ZNF624: variants seen among roughly 807,000 people sequenced by gnomAD.
ZNF624 encodes the protein zinc finger protein 624.
A neutral mutation model predicts 74.7 loss-of-function variants in ZNF624; 43 were observed. That is an observed-to-expected ratio of 0.58 (90% CI 0.45 to 0.74). ZNF624 has a LOEUF of 0.74. Ranked by LOEUF, ZNF624 falls within the 30% of genes least tolerant of loss-of-function variation. The probability of loss-of-function intolerance (pLI) is 0.00; values close to 1 mark genes in which losing one functional copy is unlikely to be tolerated. For synonymous variants in ZNF624, 331 were observed against 341.3 expected (o/e 0.97, Z 0.33); for missense variants, 820 against 1,030.0 (o/e 0.80, Z 2.79).
intron 1 of ZNF624, among the ~76,000 whole-genome samples, chr17:16,650,592 C>G (rs1299680742): frequency 6.6e-6 from 1 of 152,088 alleles, no homozygotes; most frequent in Admixed American, 6.6e-5. Context: ...CTACCTTTGG[C>G]TAATGATATG....
intron 1 of ZNF624, among the ~76,000 whole-genome samples, chr17:16,650,536 A>C (rs1909699921): frequency 6.6e-6 from 1 of 152,164 alleles, no homozygotes. Flanking sequence ...CTATGGAGCA[A>C]CAGGGTGGCA....
Position 16,623,353 on chromosome 17 carries a change from G to A in ZNF624, c.1533C>T (p.Arg511=), listed in dbSNP as rs769491216. 3.7e-5 allele frequency: 59 copies of A among 1,613,038 alleles called. No individual in the cohort carries two copies. Among genetic ancestry groups the A allele is most frequent in the Middle Eastern group, 3.3e-4 (2 of 6,078 alleles). The change falls in exon 6 of 6, where the codon CGC becomes CGT. Residue 511 remains arginine (R), a synonymous_variant. Coordinates refer to ENST00000311331, the MANE Select transcript of ZNF624 (RefSeq NM_020787.4). This position sits in a 1 kb window ranked among gnomAD's most constrained non-coding sequence, Gnocchi z 5.3. The part of the protein sequence containing the change: ...ECNECGKAFN[R]IANFTEHQRI... ...GCTGATGTTCTGTGAAATTTGCGAT[G>A]CGGTTGAATGCTTTCCCACATTCAT... is the stretch of plus-strand genomic sequence containing the variant.
rs1272440783 is a variant in ZNF624 at position 16,623,339 on chromosome 17, G to A, written c.1547C>T (p.Thr516Ile). 1 of 1,613,256 alleles carries A rather than the reference G, an allele frequency of 6.2e-7. No homozygotes were observed. The change falls in exon 6 of 6, where the codon ACA becomes ATA. Residue 516 changes from threonine (T) to isoleucine (I), a missense_variant. Thr to Ile is a moderately conservative substitution (Grantham distance 89). Coordinates refer to ENST00000311331, the MANE Select transcript of ZNF624 (RefSeq NM_020787.4). The surrounding 1 kb of genome is among the most constrained non-coding windows in gnomAD (Gnocchi z 5.3). ...TCCTGTGTGAATTCGCTGATGTTCT[G>A]TGAAATTTGCGATGCGGTTGAATGC... ...GKAFNRIANF[T>I]EHQRIHTGEK...
At chr17:16,639,764 A>G (rs187997896) in intron 3 of ZNF624, among the ~76,000 whole-genome samples, 40 of 152,336 alleles carry the variant, frequency 2.6e-4, no homozygotes, top group African/African-American at 9.4e-4. Context: ...TTGGTCCAGG[A>G]AAGTTTCTAA....
chr17:16,652,561 CCTT>C (rs147274960), intron 1 of ZNF624, among the ~76,000 whole-genome samples: 11,165 of 152,064 alleles, frequency 0.073, 574 homozygotes, highest in Middle Eastern at 0.19. Flanking sequence ...ACAATAAATC[CCTT>C]GTTTTATTTT....
intron 1 of ZNF624, among the ~76,000 whole-genome samples, chr17:16,651,924 C>T (rs1909734610): frequency 6.6e-6 from 1 of 151,768 alleles, no homozygotes; most frequent in African/African-American, 2.4e-5. Context: ...ATAATGTTAA[C>T]ATGTTAATTA....
At position 16,624,427 on chromosome 17, in the gene ZNF624, C is replaced by A. The variant is rs140888686; in HGVS notation, c.459G>T (p.Glu153Asp). Residue 153 changes from glutamate (E) to aspartate (D), a missense_variant, in exon 6 of 6, where the codon GAG (glutamate) becomes GAT (aspartate). Coordinates refer to ENST00000311331, the MANE Select transcript of ZNF624 (RefSeq NM_020787.4). ...CCCACAGACCATTCTCTGTAAGTTT[C>A]TCTAGTATGGCCTCCTGTGATAAAT... is the stretch of plus-strand genomic sequence containing the variant. ...SEDLSQEAIL[E>D]KLTENGLWDS... 32 of 1,612,508 alleles carry A rather than the reference C, an allele frequency of 2.0e-5. No homozygotes were observed. Among genetic ancestry groups the A allele is most frequent in the Non-Finnish European group, 2.6e-5 (31 of 1,179,588 alleles).
At chr17:16,649,913 T>G (rs1343391804) in intron 1 of ZNF624, among the ~76,000 whole-genome samples, 167 bp from the exon 2 acceptor site, 1 of 152,204 alleles carries the variant, frequency 6.6e-6, no homozygotes, top group African/African-American at 2.4e-5. Context: ...AGCTCAAGAT[T>G]TTAGCACTGT....
intron 3 of ZNF624, among the ~76,000 whole-genome samples, chr17:16,643,960 A>G (rs987773685): frequency 6.6e-6 from 1 of 152,200 alleles, no homozygotes; most frequent in Non-Finnish European, 1.5e-5. Context: ...TGGATCCCTC[A>G]TGAATGCCTT....
intron 1 of ZNF624, among the ~76,000 whole-genome samples, chr17:16,650,633 A>G (rs573051617): frequency 6.6e-6 from 1 of 152,272 alleles, no homozygotes; most frequent in East Asian, 1.9e-4. Context: ...GTTTGGTTCA[A>G]GAACCAGGAG....
chr17:16,626,647 A>T (rs1442576643), intron 5 of ZNF624, among the ~76,000 whole-genome samples: 1 of 152,168 alleles, frequency 6.6e-6, no homozygotes, highest in Non-Finnish European at 1.5e-5. Context: ...AAATACTTGG[A>T]AGGCTGAAGC....
chr17:16,625,705 G>A (rs1209338734), intron 5 of ZNF624, among the ~76,000 whole-genome samples: 1 of 151,856 alleles, frequency 6.6e-6, no homozygotes, highest in Non-Finnish European at 1.5e-5. Context: ...TTAATTAAGG[G>A]TAGATTTTGC....
rs1909280844 is a variant in ZNF624, at chr17:16,634,553, ACTTTAGAGGCC to A, written c.280+66_280+76del. 4 of 1,513,822 alleles carry A rather than the reference ACTTTAGAGGCC, an allele frequency of 2.6e-6. No individual in the cohort carries two copies. The Admixed American group carries it at 6.3e-5, about 24-fold the overall frequency. The allele number at this position is 1,513,822 out of a possible 1,614,324, so 93.8% of individuals were successfully genotyped here. The stretch of plus-strand genomic sequence containing the variant: ...CTAAAATCAAGTACTTCAGTTAAGT[ACTTTAGAGGCC>A]CTTTATCTTTGGCAAACCTGGTCAA... On this transcript the variant is annotated intron_variant, in intron 4 of 5. Coordinates refer to ENST00000311331, the MANE Select transcript of ZNF624 (RefSeq NM_020787.4).
In ZNF624 at chr17:16,649,270, C is replaced by A. The variant is rs567721176; in HGVS notation, c.87+388G>T. On this transcript the variant is annotated intron_variant, in intron 2 of 5. Coordinates refer to ENST00000311331, the MANE Select transcript of ZNF624 (RefSeq NM_020787.4). ...GGGGAATGGTTCCTGTGAATCAGGG[C>A]TGGGGTATGTGTTTGTGTACATATA... Among the ~76,000 whole-genome samples the A allele has an allele frequency of 9.7e-4, 148 of 152,268 alleles. 1 individual carries two copies. Among genetic ancestry groups the A allele is most frequent in the African/African-American group, 3.5e-3 (147 of 41,562 alleles).
downstream of ZNF624, among the ~76,000 whole-genome samples, chr17:16,619,315 T>G (rs868726604): frequency 3.3e-5 from 5 of 152,304 alleles, no homozygotes; most frequent in South Asian, 1.0e-3. Context: ...AAATATTTCT[T>G]AAACTGGGCA....
chr17:16,643,842 A>G (rs539036837), intron 3 of ZNF624, among the ~76,000 whole-genome samples: 1 of 152,314 alleles, frequency 6.6e-6, no homozygotes, highest in South Asian at 2.1e-4. Context: ...TAACTTTGAA[A>G]CATAAAACTG....
At chr17:16,651,804 T>C (rs1909731479) in intron 1 of ZNF624, among the ~76,000 whole-genome samples, 1 of 152,072 alleles carries the variant, frequency 6.6e-6, no homozygotes, top group Non-Finnish European at 1.5e-5. Context: ...ATATGCTTAT[T>C]AAAAAGGAAA....
chr17:16,617,115 G>T (rs1908807017), downstream of ZNF624: 6 of 1,612,902 alleles, frequency 3.7e-6, no homozygotes, highest in Admixed American at 1.7e-5. Context: ...GTGAATGGGA[G>T]CCCCGATCAG....
rs1477113697 is a variant in ZNF624 at position 16,622,122 on chromosome 17, TA to T, written c.*165del. ...TTTTCCTCTAGTGAGAGTTTCCTTA[TA>T]ACTTCTAAGATTTAATATTATTAAA... On this transcript the variant is annotated 3_prime_UTR_variant, in exon 6 of 6. Coordinates refer to ENST00000311331, the MANE Select transcript of ZNF624 (RefSeq NM_020787.4). 3 of 479,504 alleles carry T rather than the reference TA, an allele frequency of 6.3e-6. No individual in the cohort carries two copies. The highest frequency in any genetic ancestry group is 1.0e-5 in the Non-Finnish European group (3 of 289,230). 29.7% of individuals were successfully genotyped at this position (479,504 alleles called of 1,614,324 possible).
Sources: allele counts gnomAD v4.1 joint callset (sites outside exome capture counted in the v4.1 genomes callset), GRCh38; gene constraint gnomAD v4.1.1; non-coding constraint Gnocchi (gnomAD v3.1); transcripts MANE v1.5; gene names NCBI Gene and HGNC (gene_info 2026-07-23, HGNC 2026-07-21).